Variants in NUP133 observed in about 807,000 individuals in gnomAD.
The protein encoded by NUP133 is nuclear pore complex protein Nup133.
A neutral mutation model predicts 146.2 loss-of-function variants in NUP133; 66 were observed. The ratio of observed to expected loss-of-function variants is 0.45; its 90% confidence interval spans 0.37 to 0.55. The LOEUF is 0.55. NUP133 is among the 20% of genes least tolerant of loss of function. The probability of loss-of-function intolerance (pLI) is 0.00; values close to 1 mark genes in which losing one functional copy is unlikely to be tolerated. For missense variants in NUP133, 1,277 were observed against 1,374.8 expected, an observed-to-expected ratio of 0.93 and a Z score of 1.12; for synonymous variants, 521 against 498.8, an observed-to-expected ratio of 1.04 and a Z score of -0.59.
At chr1:229,449,867 ATATATATTTTTTTTT>A (rs1308349171) in intron 23 of NUP133, among the ~76,000 whole-genome samples, 40 of 102,102 alleles carry the variant, frequency 3.9e-4, no homozygotes, top group African/African-American at 1.6e-3. Context: ...ATATATATAT[ATATATATTTTTTTTT>A]TTTTTTTTTT....
chr1:229,491,433 C>T (rs1414783687), intron 8 of NUP133, among the ~76,000 whole-genome samples: 1 of 152,084 alleles, frequency 6.6e-6, no homozygotes, highest in African/African-American at 2.4e-5. Flanking sequence ...TCATTTGAGC[C>T]CAAGAGTTCA....
At chr1:229,477,394 C>T (rs1281251843) in intron 13 of NUP133, among the ~76,000 whole-genome samples, 3 of 148,012 alleles carry the variant, frequency 2.0e-5, no homozygotes, top group South Asian at 2.1e-4. Context: ...GAGCCAAGAT[C>T]GCGCCACTGC....
rs1391307430 is a variant in NUP133, at chr1:229,440,395, C to T, written c.*1509G>A. 1.3e-5 allele frequency: 2 copies of T among 151,918 alleles called. No homozygotes were observed. The highest frequency in any genetic ancestry group is 4.1e-4 in the South Asian group (2 of 4,830). 9.4% of individuals were successfully genotyped at this position (151,918 alleles called of 1,614,324 possible). ...TCCCTTGAACAGGATGACTCTACTT[C>T]ACACGGTAAGAGCAGTCGTTCTACG... On this transcript the variant is annotated 3_prime_UTR_variant, in exon 26 of 26. Transcript: ENST00000261396.
intron 11 of NUP133, among the ~76,000 whole-genome samples, chr1:229,485,668 C>A (rs1404406642): frequency 6.6e-6 from 1 of 152,018 alleles, no homozygotes; most frequent in African/African-American, 2.4e-5. Flanking sequence ...TCAACAGATG[C>A]ATCAGGAGAC....
rs143250550 is a variant in NUP133, at chr1:229,498,234, G to C, written c.721C>G (p.His241Asp). 37 of 1,612,576 alleles carry C rather than the reference G, an allele frequency of 2.3e-5. No individual in the cohort carries two copies. Among genetic ancestry groups the C allele is most frequent in the Non-Finnish European group, 2.9e-5 (34 of 1,179,588 alleles). Residue 241 changes from histidine to aspartate, a missense_variant, in exon 6 of 26, where the codon CAT (histidine) becomes GAT (aspartate). His to Asp is a moderately conservative substitution (Grantham distance 81). Around this residue, in one of 3 missense-constraint regions of NUP133, gnomAD observed 319 missense variants for 306.9 expected, o/e 1.04. Transcript: ENST00000261396. The stretch of plus-strand genomic sequence containing the variant: ...TGCCCCTGAGGCAGGATATGCTGAT[G>C]AATCTTTCCTGAGCTCTCAGGTATC... ...RLIPESSGKI[H>D]QHILPQGQGM...
chr1:229,457,714 A>G (rs1660601111), intron 21 of NUP133, among the ~76,000 whole-genome samples: 1 of 152,108 alleles, frequency 6.6e-6, no homozygotes, highest in Non-Finnish European at 1.5e-5. Flanking sequence ...TGTTTGGTCG[A>G]ATCTGCAGAT....
chr1:229,506,061 C>T lies in NUP133; in HGVS notation c.280G>A (p.Glu94Lys). 6.2e-7 allele frequency: 1 copy of T among 1,607,606 alleles called. No homozygotes were observed. The highest frequency in any genetic ancestry group is 1.1e-5 in the South Asian group (1 of 90,912). ...CTACCTTCAGCCAATGTTAGGGCTT[C>T]CATGACTTTAACAGGAAGAGAAGAT... is the stretch of plus-strand genomic sequence containing the variant. ...FGSSLPVKVM[E>K]ALTLAEVDDQ... Residue 94 changes from glutamate (E) to lysine (K), a missense_variant, in exon 2 of 26, where the codon GAA (glutamate) becomes AAA (lysine). Glu to Lys is a moderately conservative substitution (Grantham distance 56, BLOSUM62 1). This residue lies in a region of NUP133 where 319 missense variants were observed against 306.9 expected (regional missense o/e 1.04). Coordinates refer to ENST00000261396, the MANE Select transcript of NUP133 (RefSeq NM_018230.3).
At chr1:229,484,468 T>C (rs1661298317) in intron 11 of NUP133, among the ~76,000 whole-genome samples, 1 of 152,228 alleles carries the variant, frequency 6.6e-6, no homozygotes, top group Non-Finnish European at 1.5e-5. Context: ...GGGTTGTGGG[T>C]TGGACAAGCT....
chr1:229,462,133 C>T (rs1660707250), intron 19 of NUP133, among the ~76,000 whole-genome samples: 1 of 152,234 alleles, frequency 6.6e-6, no homozygotes, highest in East Asian at 1.9e-4. Flanking sequence ...ATCTGCCCAC[C>T]TCGGCCTCCC....
At chr1:229,482,525 T>C (rs761821018) in intron 12 of NUP133, among the ~76,000 whole-genome samples, 2 of 152,192 alleles carry the variant, frequency 1.3e-5, no homozygotes, top group Non-Finnish European at 2.9e-5. Context: ...ATCACCATTT[T>C]CCTGAGTATT....
At chr1:229,499,119 T>C (rs117446283) in intron 5 of NUP133, 8,378 of 461,206 alleles carry the variant, frequency 0.018, 458 homozygotes, top group Admixed American at 0.12. Context: ...AGGCTAGTCT[T>C]GAACTCCTGG....
rs564524643 is a variant in NUP133, at chr1:229,441,885, T to G, written c.*19A>C. The stretch of plus-strand genomic sequence containing the variant: ...ACACTTATACAGATTTCATAAACAA[T>G]GGCCATTTTTAGAAAAAGTTATATT... On this transcript the variant is annotated 3_prime_UTR_variant, in exon 26 of 26. Transcript: ENST00000261396. 1.9e-5 allele frequency: 29 copies of G among 1,549,336 alleles called. No homozygotes were observed. The highest frequency in any genetic ancestry group is 1.7e-4 in the Middle Eastern group (1 of 5,848).
rs1661991291 is a variant in NUP133, at chr1:229,508,063, C to A, written c.182+5G>T. The stretch of plus-strand genomic sequence containing the variant: ...TTGCCAGACCCAACCAGGGAGATCA[C>A]TTACCGCGAGCTTAGCGAGCTACGC... On this transcript the variant is annotated splice_donor_5th_base_variant and intron_variant, in intron 1 of 25. Transcript: ENST00000261396. 6.7e-7 allele frequency: 1 copy of A among 1,485,644 alleles called. No individual in the cohort carries two copies. Among genetic ancestry groups the A allele is most frequent in the Admixed American group, 2.4e-5 (1 of 41,894 alleles). The allele number at this position is 1,485,644 out of a possible 1,614,324, so 92.0% of individuals were successfully genotyped here. A position where few individuals can be genotyped will look rare whatever the true frequency, so the allele number is the denominator to read the frequency against.
At chr1:229,507,022 G>A (rs972403931) in intron 1 of NUP133, among the ~76,000 whole-genome samples, 7 of 152,138 alleles carry the variant, frequency 4.6e-5, no homozygotes, top group Non-Finnish European at 8.8e-5. Flanking sequence ...AATTAAATGA[G>A]AAGATGCACA....
Position 229,486,434 on chromosome 1 carries a change from C to T in NUP133, c.1437G>A (p.Val479=). The T allele has an allele frequency of 6.2e-7, 1 of 1,610,752 alleles. No homozygotes were observed. The highest frequency in any genetic ancestry group is 8.5e-7 in the Non-Finnish European group (1 of 1,178,998). Residue 479 remains valine, a synonymous_variant, in exon 11 of 26, where the codon GTG becomes GTA. Coordinates refer to ENST00000261396, the MANE Select transcript of NUP133 (RefSeq NM_018230.3). ...CTTCCAAGTCTTCTGCCAATATAGA[C>T]ACATTTTCCCTTGAAGTAATAGACA... ...GLVSITSREN[V]SILAEDLEGS...
intron 2 of NUP133, among the ~76,000 whole-genome samples, chr1:229,502,992 G>A (rs1661843139): frequency 6.6e-6 from 1 of 151,932 alleles, no homozygotes; most frequent in Non-Finnish European, 1.5e-5. Flanking sequence ...GAGAGGCCAG[G>A]CAGGGTGGCT....
In NUP133 at chr1:229,505,802, C is replaced by T. The variant is rs147652232; in HGVS notation, c.301+238G>A. On this transcript the variant is annotated intron_variant, in intron 2 of 25. Transcript: ENST00000261396. ...ACTTGGGAGGCTGAGGCAGGAAACT[C>T]GCTTGAACCTGGGAGGTGGTGGTTG... Among the ~76,000 whole-genome samples, 22 of 152,120 alleles carry T rather than the reference C, an allele frequency of 1.4e-4. No individual in the cohort carries two copies. The East Asian group carries it at 3.7e-3, about 25-fold the overall frequency.
chr1:229,495,667 G>T, intron 7 of NUP133, 102 bp from the exon 8 acceptor site: 1 of 940,474 alleles, frequency 1.1e-6, no homozygotes, highest in Non-Finnish European at 1.6e-6. Context: ...CCATAACTCA[G>T]TTGCTGAATA....
chr1:229,505,596 AAGAC>A (rs1417312106), intron 2 of NUP133, among the ~76,000 whole-genome samples: 26 of 145,404 alleles, frequency 1.8e-4, no homozygotes, highest in Non-Finnish European at 3.2e-4. Context: ...AAAAAAAACT[AAGAC>A]AGGTGGCCAG....
Sources: gnomAD v4.1 joint callset for allele counts (sites outside exome capture counted in the v4.1 genomes callset) on GRCh38, gnomAD v4.1.1 for gene constraint, gnomAD v4.1.1 regional missense constraint, MANE v1.5 for transcripts, NCBI Gene and HGNC (gene_info 2026-07-23, HGNC 2026-07-21) for gene names.